NR3C1: variants seen among roughly 807,000 people sequenced by gnomAD.
NR3C1 encodes glucocorticoid receptor.
A neutral mutation model predicts 74.0 loss-of-function variants in NR3C1; 14 were observed. The ratio of observed to expected loss-of-function variants is 0.19; its 90% CI spans 0.12 to 0.30. The LOEUF (loss-of-function observed/expected upper bound fraction) is 0.30. Ranked by LOEUF, NR3C1 falls within the 10% of genes least tolerant of loss-of-function variation. The pLI, the probability that NR3C1 is intolerant of heterozygous loss-of-function variation, is 1.00. For synonymous variants in NR3C1, 308 were observed against 332.5 expected (o/e 0.93, Z 0.80); for missense variants, 695 against 909.8 (o/e 0.76, Z 3.04).
In NR3C1 at chr5:143,400,679, G is replaced by A; in HGVS notation, c.161C>T (p.Ser54Leu). The change falls in exon 2 of 9, where the codon TCA becomes TTA. Residue 54 changes from serine to leucine, a missense_variant. Coordinates refer to ENST00000394464, the MANE Select transcript of NR3C1 (RefSeq NM_000176.3). Reference sequence around the variant, plus strand: ...CAAAAGTCTTCGCTGCTTGGAGTCTGATTGAGAAGCGACAGCCAGTGAGGG... The same window carrying A: ...CAAAAGTCTTCGCTGCTTGGAGTCTAATTGAGAAGCGACAGCCAGTGAGGG... ...SSPSLAVASQSDSKQRRLLVD... is the reference protein window; with the variant it reads ...SSPSLAVASQLDSKQRRLLVD... 1.2e-6 allele frequency: 2 copies of A among 1,614,060 alleles called. No individual in the cohort carries two copies. The highest frequency in any genetic ancestry group is 1.7e-6 in the Non-Finnish European group (2 of 1,179,928).
At chr5:143,373,473 G>A (rs571660047) in intron 2 of NR3C1, among the ~76,000 whole-genome samples, 207 of 140,506 alleles carry the variant, frequency 1.5e-3, no homozygotes, top group African/African-American at 5.2e-3. Context: ...GGGGTGGGGG[G>A]CTAGGGGAGG....
intron 5 of NR3C1, among the ~76,000 whole-genome samples, chr5:143,299,135 TCCC>T (rs1817946490): frequency 6.7e-6 from 1 of 149,948 alleles, no homozygotes; most frequent in African/African-American, 2.5e-5. Context: ...AGTGCCAGCC[TCCC>T]AAGTAGCTAG....
chr5:143,284,352 T>C (rs906835780), intron 7 of NR3C1, among the ~76,000 whole-genome samples: 2 of 152,224 alleles, frequency 1.3e-5, no homozygotes, highest in Non-Finnish European at 2.9e-5. Context: ...CTAATGAATA[T>C]GTATGAAAAT....
intron 2 of NR3C1, among the ~76,000 whole-genome samples, chr5:143,350,362 A>T (rs1250171385): frequency 6.6e-6 from 1 of 152,172 alleles, no homozygotes; most frequent in African/African-American, 2.4e-5. Context: ...GTATTTATTT[A>T]GTCCAATCTA....
At chr5:143,409,091 T>G (rs1434534849) in intron 1 of NR3C1, 2 of 152,194 alleles carry the variant, frequency 1.3e-5, no homozygotes, top group African/African-American at 4.8e-5. Context: ...TGTTGGTAGC[T>G]CAACTGGTGG....
intron 2 of NR3C1, among the ~76,000 whole-genome samples, chr5:143,354,564 G>A (rs1295043063): frequency 6.6e-6 from 1 of 152,176 alleles, no homozygotes; most frequent in Non-Finnish European, 1.5e-5. Context: ...TGGAAGAGCA[G>A]TCAGATCATG....
At chr5:143,345,534 T>C (rs1829117013) in intron 2 of NR3C1, among the ~76,000 whole-genome samples, 1 of 152,160 alleles carries the variant, frequency 6.6e-6, no homozygotes, top group Non-Finnish European at 1.5e-5. Context: ...AAATGAAAAT[T>C]CATAAAGTCT....
At chr5:143,405,762 A>G (rs181168749), upstream of NR3C1, among the ~76,000 whole-genome samples, 80 of 152,216 alleles carry the variant, frequency 5.3e-4, no homozygotes, top group African/African-American at 1.8e-3. Flanking sequence ...CATGTTAACA[A>G]AACCCCCTTC....
intron 8 of NR3C1, 79 bp downstream of exon 8, chr5:143,282,489 G>A: frequency 6.5e-7 from 1 of 1,543,374 alleles, no homozygotes; most frequent in African/African-American, 1.4e-5. Context: ...GGGCGCTGCT[G>A]GTATATAATT....
rs1413234521 is a variant in NR3C1 at position 143,434,725 on chromosome 5, A to G, written c.-207T>C. 17 of 985,482 alleles carry G rather than the reference A, an allele frequency of 1.7e-5. No homozygotes were observed. The African/African-American group carries it at 3.0e-4, about 17-fold the overall frequency. The allele number at this position is 985,482 out of a possible 1,614,324, so 61.0% of individuals were successfully genotyped here. On this transcript the variant is annotated 5_prime_UTR_variant, in exon 1 of 9. Transcript: ENST00000343796. ...ATCAAAGTTAATATCTGTGGCACACAAACTGCACCTGCCTCTGCAGCAGTC... is the reference window on the plus strand; with the variant it reads ...ATCAAAGTTAATATCTGTGGCACACGAACTGCACCTGCCTCTGCAGCAGTC...
chr5:143,404,045 T>C, upstream of NR3C1: 1 of 985,370 alleles, frequency 1.0e-6, no homozygotes. Flanking sequence ...CTTTTCTCGC[T>C]ACCTCCTTCC....
chr5:143,418,640 G>A (rs1250843298), intron 1 of NR3C1, among the ~76,000 whole-genome samples: 2 of 152,140 alleles, frequency 1.3e-5, no homozygotes, highest in African/African-American at 2.4e-5. Flanking sequence ...GGGTGTGAAG[G>A]GGCACAGGTC....
chr5:143,427,047 G>A (rs1281890209), intron 1 of NR3C1, among the ~76,000 whole-genome samples: 1 of 152,084 alleles, frequency 6.6e-6, no homozygotes, highest in Non-Finnish European at 1.5e-5. Context: ...TCCTTTTGAA[G>A]AGTTCAAAAG....
intron 1 of NR3C1, among the ~76,000 whole-genome samples, chr5:143,421,147 C>T (rs1489502449): frequency 6.6e-6 from 1 of 152,052 alleles, no homozygotes; most frequent in African/African-American, 2.4e-5. Context: ...TCCACCATCA[C>T]GGGGGATACA....
At chr5:143,432,810 G>T (rs549594451) in intron 1 of NR3C1, among the ~76,000 whole-genome samples, 17 of 152,194 alleles carry the variant, frequency 1.1e-4, no homozygotes, top group South Asian at 1.0e-3. Flanking sequence ...TTTTCCCATA[G>T]AAAGTTTATC....
intron 2 of NR3C1, among the ~76,000 whole-genome samples, chr5:143,375,085 A>G (rs1238988991): frequency 6.6e-6 from 1 of 152,192 alleles, no homozygotes; most frequent in African/African-American, 2.4e-5. Context: ...AGCTTCTCCA[A>G]AATCCTTCCT....
chr5:143,334,924 A>G lies in NR3C1; in HGVS notation c.1185-20756T>C, dbSNP rs117243229. Reference sequence around the variant, plus strand: ...AAAGTTTAATTTTTCTCACAGTGCGAAAAAGAATAAAATAATACCAGAAAA... The same window carrying G: ...AAAGTTTAATTTTTCTCACAGTGCGGAAAAGAATAAAATAATACCAGAAAA... On this transcript the variant is annotated intron_variant, in intron 2 of 8. Coordinates refer to ENST00000394464, the MANE Select transcript of NR3C1 (RefSeq NM_000176.3). 1.0e-3 allele frequency among the ~76,000 whole-genome samples: 156 copies of G among 152,348 alleles called. 3 individuals are homozygous for G. The East Asian group carries it at 0.022, about 22-fold the overall frequency.
At chr5:143,354,217 C>T (rs1830711101) in intron 2 of NR3C1, among the ~76,000 whole-genome samples, 1 of 152,234 alleles carries the variant, frequency 6.6e-6, no homozygotes, top group Non-Finnish European at 1.5e-5. Context: ...ACCACTAAAA[C>T]TTTCTTCGTA....
intron 2 of NR3C1, among the ~76,000 whole-genome samples, chr5:143,384,533 C>T (rs1164702923): frequency 6.6e-6 from 1 of 152,190 alleles, no homozygotes; most frequent in Non-Finnish European, 1.5e-5. Context: ...GGTAAATTCC[C>T]CCATTCCAAA....
Sources: allele counts gnomAD v4.1 joint callset (sites outside exome capture counted in the v4.1 genomes callset), GRCh38; gene constraint gnomAD v4.1.1; transcripts MANE v1.5; gene names NCBI Gene and HGNC (gene_info 2026-07-23, HGNC 2026-07-21).